DDX46: variants seen among roughly 807,000 people sequenced by gnomAD.
DDX46 encodes the protein probable ATP-dependent RNA helicase DDX46.
In DDX46, 30 loss-of-function variants were observed where a neutral mutation model predicts 134.9. The ratio of observed to expected loss-of-function variants is 0.22; its 90% confidence interval spans 0.17 to 0.30. The LOEUF (loss-of-function observed/expected upper bound fraction) is 0.30, where lower values mean the gene tolerates loss of function less well. Ranked by LOEUF, DDX46 falls within the 10% of genes least tolerant of loss-of-function variation. The pLI is 1.00. For missense variants in DDX46, 622 were observed against 1,248.7 expected, an observed-to-expected ratio of 0.50 and a Z score of 7.56; for synonymous variants, 415 against 404.1, an observed-to-expected ratio of 1.03 and a Z score of -0.32.
intron 3 of DDX46, among the ~76,000 whole-genome samples, chr5:134,769,914 G>C (rs1753707538): frequency 1.3e-5 from 2 of 152,146 alleles, no homozygotes; most frequent in African/African-American, 2.4e-5. Flanking sequence ...GCCTGCCTTG[G>C]CCTCTCAAAG....
chr5:134,763,541 C>T (rs189507416), intron 1 of DDX46, among the ~76,000 whole-genome samples: 32 of 152,260 alleles, frequency 2.1e-4, no homozygotes, highest in Admixed American at 2.0e-3. Context: ...TTATTTCCTC[C>T]AAGCCTCTGT....
intron 1 of DDX46, among the ~76,000 whole-genome samples, chr5:134,759,780 G>A (rs556572274): frequency 6.6e-6 from 1 of 152,338 alleles, no homozygotes; most frequent in East Asian, 1.9e-4. Flanking sequence ...AAAGCTTGAT[G>A]AAATTTAGCA....
At chr5:134,788,365 A>C in intron 11 of DDX46, 148 bp from the exon 12 acceptor site, 1 of 540,050 alleles carries the variant, frequency 1.9e-6, no homozygotes, top group Non-Finnish European at 3.2e-6. Context: ...CGTTGTTGCT[A>C]TTTCTTTAGT....
intron 11 of DDX46, among the ~76,000 whole-genome samples, chr5:134,787,504 T>A (rs1754374650): frequency 6.6e-6 from 1 of 152,226 alleles, no homozygotes; most frequent in African/African-American, 2.4e-5. Context: ...CAAGAATATT[T>A]GCTTTTGTTA....
At chr5:134,813,868 T>C (rs778134171) in intron 18 of DDX46, among the ~76,000 whole-genome samples, 11 of 151,682 alleles carry the variant, frequency 7.3e-5, no homozygotes, top group Non-Finnish European at 1.6e-4. Flanking sequence ...CAAGTGATCC[T>C]CCTGCCTCAG....
At chr5:134,769,432 G>A (rs1753687925) in intron 3 of DDX46, among the ~76,000 whole-genome samples, 1 of 149,878 alleles carries the variant, frequency 6.7e-6, no homozygotes, top group Admixed American at 6.7e-5. Context: ...CCTGGTTCAG[G>A]CTATTCTCCT....
intron 3 of DDX46, 23 bp from the exon 4 acceptor site, chr5:134,770,878 CTT>C: frequency 6.5e-7 from 1 of 1,543,174 alleles, no homozygotes; most frequent in Non-Finnish European, 8.7e-7. Context: ...TGACATTTCT[CTT>C]GTCTCTTTTA....
At chr5:134,772,349 C>T (rs762845820) in intron 4 of DDX46, among the ~76,000 whole-genome samples, 1 of 152,090 alleles carries the variant, frequency 6.6e-6, no homozygotes, top group African/African-American at 2.4e-5. Flanking sequence ...TGGTGAAACC[C>T]TGTCTCTACT....
chr5:134,793,337 C>T (rs1754562594), intron 13 of DDX46, among the ~76,000 whole-genome samples: 1 of 152,176 alleles, frequency 6.6e-6, no homozygotes, highest in South Asian at 2.1e-4. Flanking sequence ...TGACTTATGC[C>T]TAGAGAAGAG....
intron 21 of DDX46, among the ~76,000 whole-genome samples, chr5:134,824,407 A>G (rs1400439703): frequency 1.3e-5 from 2 of 152,194 alleles, no homozygotes; most frequent in Non-Finnish European, 2.9e-5. Context: ...CCTGGCCAAC[A>G]TAGTGAAACC....
chr5:134,795,024 ATC>A lies in DDX46; in HGVS notation c.1791+12_1791+13del, dbSNP rs1476229458. 6.2e-7 allele frequency: 1 copy of A among 1,611,938 alleles called. No individual in the cohort carries two copies. Among genetic ancestry groups the A allele is most frequent in the Non-Finnish European group, 8.5e-7 (1 of 1,178,988 alleles). Reference sequence around the variant, plus strand: ...TGTGGAGCAACAAGTGGTGGGTACCATCTTTAGGAAATTCCCAGTTTCCTTGA... The same window carrying A: ...TGTGGAGCAACAAGTGGTGGGTACCATTTAGGAAATTCCCAGTTTCCTTGA... On this transcript the variant is annotated intron_variant, in intron 14 of 22. Coordinates refer to ENST00000452510, the MANE Select transcript of DDX46 (RefSeq NM_001300860.2).
chr5:134,806,136 CT>C (rs1230795836), intron 15 of DDX46, among the ~76,000 whole-genome samples: 1 of 151,918 alleles, frequency 6.6e-6, no homozygotes, highest in Non-Finnish European at 1.5e-5. Flanking sequence ...TCGCTTGAAC[CT>C]GGGAGGCAAA....
At chr5:134,820,383 C>A (rs187430822) in intron 21 of DDX46, among the ~76,000 whole-genome samples, 3 of 152,246 alleles carry the variant, frequency 2.0e-5, no homozygotes, top group Non-Finnish European at 4.4e-5. Context: ...GTAGTCAGTA[C>A]AGGGTTTAGC....
At chr5:134,806,883 T>C (rs951270810) in intron 15 of DDX46, among the ~76,000 whole-genome samples, 2 of 152,180 alleles carry the variant, frequency 1.3e-5, no homozygotes, top group African/African-American at 4.8e-5. Flanking sequence ...ATACTCTGCT[T>C]TGCCATTCAT....
rs1008542220 is a variant in DDX46 at position 134,818,843 on chromosome 5, C to T, written c.2833-17C>T. 1 of 1,594,238 alleles carries T rather than the reference C, an allele frequency of 6.3e-7. No homozygotes were observed. The highest frequency in any genetic ancestry group is 8.5e-7 in the Non-Finnish European group (1 of 1,172,876). Reference sequence around the variant, plus strand: ...CTGTTATGAAGTGATTTTTCTTTTCCTTACCTTTTCTTTTAGACTGCTAGG... The same window carrying T: ...CTGTTATGAAGTGATTTTTCTTTTCTTTACCTTTTCTTTTAGACTGCTAGG... On this transcript the variant is annotated splice_polypyrimidine_tract_variant and intron_variant, in intron 20 of 22. Transcript: ENST00000452510.
At chr5:134,763,195 T>A (rs558158642) in intron 1 of DDX46, among the ~76,000 whole-genome samples, 3 of 152,312 alleles carry the variant, frequency 2.0e-5, no homozygotes, top group African/African-American at 7.2e-5. Context: ...AGCACATCAC[T>A]GCACTCTATC....
rs889560032 is a variant in DDX46 at position 134,783,796 on chromosome 5, G to T, written c.1167-570G>T. The stretch of plus-strand genomic sequence containing the variant: ...ACTCTCTACCTCAGATGATCCACCC[G>T]CTGCGGCCTCTGAAAGTACTGGGAT... On this transcript the variant is annotated intron_variant, in intron 9 of 22. Coordinates refer to ENST00000452510, the MANE Select transcript of DDX46 (RefSeq NM_001300860.2). Among the ~76,000 whole-genome samples the T allele has an allele frequency of 3.3e-5, 5 of 149,840 alleles. No homozygotes were observed. In the East Asian group the frequency reaches 1.0e-3, roughly 30 times the overall value.
chr5:134,814,446 G>A (rs1755232527), intron 18 of DDX46, among the ~76,000 whole-genome samples: 1 of 152,146 alleles, frequency 6.6e-6, no homozygotes, highest in Non-Finnish European at 1.5e-5. Flanking sequence ...TCAAAAGTAA[G>A]GTTAGCTCTA....
chr5:134,820,361 C>T (rs1240062079), intron 21 of DDX46, among the ~76,000 whole-genome samples: 2 of 152,188 alleles, frequency 1.3e-5, no homozygotes, highest in Non-Finnish European at 2.9e-5. Context: ...ATTTCCTTGA[C>T]ACCATAGCAT....
Sources: gnomAD v4.1 joint callset for allele counts (sites outside exome capture counted in the v4.1 genomes callset) on GRCh38, gnomAD v4.1.1 for gene constraint, MANE v1.5 for transcripts, NCBI Gene and HGNC (gene_info 2026-07-23, HGNC 2026-07-21) for gene names.